Variants in FNIP2 observed in about 807,000 individuals in gnomAD.
The protein encoded by FNIP2 is folliculin-interacting protein 2.
A neutral mutation model predicts 108.7 loss-of-function variants in FNIP2; 32 were observed. The observed-to-expected ratio is 0.29, with a 90% CI of 0.22 to 0.40. The LOEUF is 0.40. FNIP2 is among the 10% of genes least tolerant of loss of function. The pLI is 1.00. For synonymous variants in FNIP2, 480 were observed against 496.7 expected (o/e 0.97, Z 0.45); for missense variants, 1,202 against 1,381.6 (o/e 0.87, Z 2.06).
chr4:158,899,918 A>G (rs1195831242), intron 16 of FNIP2, among the ~76,000 whole-genome samples: 2 of 151,996 alleles, frequency 1.3e-5, no homozygotes, highest in Non-Finnish European at 2.9e-5. Flanking sequence ...TTGCTTCTCT[A>G]GTTCTTTTAA....
intron 1 of FNIP2, among the ~76,000 whole-genome samples, chr4:158,790,429 C>A (rs933981280): frequency 1.3e-5 from 2 of 151,818 alleles, no homozygotes; most frequent in East Asian, 3.9e-4. Context: ...AACCTGTATA[C>A]CAAAAAATAG....
intron 3 of FNIP2, among the ~76,000 whole-genome samples, 189 bp downstream of exon 3, chr4:158,829,414 G>A (rs1473384667): frequency 6.6e-6 from 1 of 152,120 alleles, no homozygotes; most frequent in Non-Finnish European, 1.5e-5. Flanking sequence ...AATAAAAACT[G>A]TAATCAAGCA....
intron 7 of FNIP2, among the ~76,000 whole-genome samples, chr4:158,843,150 C>T (rs1001779646): frequency 2.0e-5 from 3 of 152,082 alleles, no homozygotes; most frequent in African/African-American, 4.8e-5. Context: ...ATACCCCCTG[C>T]GTCAAACATA....
At chr4:158,848,605 C>G (rs993675066) in intron 7 of FNIP2, among the ~76,000 whole-genome samples, 1 of 152,136 alleles carries the variant, frequency 6.6e-6, no homozygotes, top group Admixed American at 6.5e-5. Context: ...TCCAGGATCA[C>G]GTTACCTCAC....
intron 1 of FNIP2, 54 bp downstream of exon 1, chr4:158,769,373 C>A: frequency 7.8e-7 from 1 of 1,280,370 alleles, no homozygotes; most frequent in South Asian, 1.4e-5. Context: ...GGCTTCGGTG[C>A]TCGCCGGGGA....
intron 8 of FNIP2, among the ~76,000 whole-genome samples, chr4:158,858,800 G>T (rs1474743472): frequency 6.6e-6 from 1 of 152,146 alleles, no homozygotes; most frequent in Non-Finnish European, 1.5e-5. Context: ...CAAAGGAAAA[G>T]GACAAGAGTA....
intron 14 of FNIP2, among the ~76,000 whole-genome samples, chr4:158,887,404 T>A (rs1782073219): frequency 6.6e-6 from 1 of 152,150 alleles, no homozygotes; most frequent in Non-Finnish European, 1.5e-5. Flanking sequence ...ATACATATAA[T>A]TCAGTGTTTG....
intron 7 of FNIP2, among the ~76,000 whole-genome samples, chr4:158,844,298 C>T (rs1000156571): frequency 1.3e-5 from 2 of 152,082 alleles, no homozygotes; most frequent in African/African-American, 4.8e-5. Context: ...ATAAATCCAT[C>T]CATATATATA....
rs562984019 is a variant in FNIP2, at chr4:158,846,107, G to A, written c.728-5214G>A. 1.2e-4 allele frequency among the ~76,000 whole-genome samples: 19 copies of A among 152,202 alleles called. No individual in the cohort carries two copies. In the East Asian group the frequency reaches 2.3e-3, roughly 19 times the overall value. On this transcript the variant is annotated intron_variant, in intron 7 of 16. Transcript: ENST00000264433. ...AAGGAGTGAAAAGCTAACATTTATC[G>A]TGTGGGTGACTGGGTTAAGTGTTGT...
chr4:158,833,759 T>C, intron 6 of FNIP2, 131 bp downstream of exon 6: 1 of 1,468,970 alleles, frequency 6.8e-7, no homozygotes, highest in African/African-American at 1.4e-5. Flanking sequence ...TTTTTTTGTA[T>C]GTGTACTTTG....
intron 1 of FNIP2, among the ~76,000 whole-genome samples, chr4:158,769,644 C>G (rs898709790): frequency 3.3e-5 from 5 of 152,176 alleles, no homozygotes; most frequent in Non-Finnish European, 7.3e-5. Flanking sequence ...GAACCCCTTC[C>G]GGGCAGAGCC....
At chr4:158,778,474 C>G (rs528222467) in intron 1 of FNIP2, among the ~76,000 whole-genome samples, 1 of 152,302 alleles carries the variant, frequency 6.6e-6, no homozygotes, top group East Asian at 1.9e-4. Flanking sequence ...GGAATCTCCA[C>G]TGTCACTTCA....
chr4:158,813,828 G>C (rs1197957676), intron 1 of FNIP2, among the ~76,000 whole-genome samples: 1 of 152,170 alleles, frequency 6.6e-6, no homozygotes, highest in Non-Finnish European at 1.5e-5. Context: ...ACTTAGGCTT[G>C]TAAGCCATTT....
intron 14 of FNIP2, among the ~76,000 whole-genome samples, chr4:158,885,477 G>A (rs1050997374): frequency 2.0e-5 from 3 of 152,178 alleles, no homozygotes; most frequent in African/African-American, 7.2e-5. Context: ...GGTATTTTAA[G>A]AAGTTTGAGG....
At position 158,904,818 on chromosome 4, in the gene FNIP2, ATAAGCAC is replaced by A. The variant is rs763034994; in HGVS notation, c.*278_*284del. 3.7e-4 allele frequency: 152 copies of A among 407,556 alleles called. No individual in the cohort carries two copies. Among genetic ancestry groups the A allele is most frequent in the Non-Finnish European group, 4.9e-4 (107 of 220,130 alleles). The allele number at this position is 407,556 out of a possible 1,614,324, so 25.2% of individuals were successfully genotyped here. On this transcript the variant is annotated 3_prime_UTR_variant, in exon 17 of 17. Transcript: ENST00000264433. Reference sequence around the variant, plus strand: ...ACTGACCTTTTTGGTAGGAGGAAACATAAGCACTAAACACTAAGCTGTTGCAACAGAT... The same window carrying A: ...ACTGACCTTTTTGGTAGGAGGAAACATAAACACTAAGCTGTTGCAACAGAT...
intron 2 of FNIP2, among the ~76,000 whole-genome samples, chr4:158,826,971 C>A (rs1778194674): frequency 6.6e-6 from 1 of 152,204 alleles, no homozygotes; most frequent in Non-Finnish European, 1.5e-5. Flanking sequence ...TTTGTCTCAT[C>A]AGGGCCAAGG....
At chr4:158,844,383 G>A (rs1372998830) in intron 7 of FNIP2, among the ~76,000 whole-genome samples, 1 of 152,144 alleles carries the variant, frequency 6.6e-6, no homozygotes, top group Non-Finnish European at 1.5e-5. Context: ...TGTCTGGGAT[G>A]TCCTCCCTTT....
At chr4:158,896,182 T>C (rs1578999226) in intron 16 of FNIP2, among the ~76,000 whole-genome samples, 1 of 152,224 alleles carries the variant, frequency 6.6e-6, no homozygotes, top group East Asian at 1.9e-4. Context: ...AATAAGATGC[T>C]GAAGTCACAA....
intron 1 of FNIP2, among the ~76,000 whole-genome samples, chr4:158,781,003 CCA>C (rs909383179): frequency 2.0e-5 from 3 of 148,614 alleles, no homozygotes; most frequent in Admixed American, 6.8e-5. Context: ...CCACCGCACT[CCA>C]GTCTCAGCAA....
Sources: gnomAD v4.1 joint callset for allele counts (sites outside exome capture counted in the v4.1 genomes callset) on GRCh38, gnomAD v4.1.1 for gene constraint, MANE v1.5 for transcripts, NCBI Gene and HGNC (gene_info 2026-07-23, HGNC 2026-07-21) for gene names.